The following FGF14 variants were observed in gnomAD, a reference collection of about 807,000 sequenced individuals.
FGF14 encodes fibroblast growth factor homologous factor 4.
Under a neutral mutation model 25.5 loss-of-function variants are expected in FGF14, and 5 were observed. The ratio of observed to expected loss-of-function variants is 0.20; its 90% CI spans 0.10 to 0.41. The LOEUF is 0.41. Among genes scored for constraint, FGF14 ranks in the 10% least tolerant of loss-of-function variants. FGF14 has a pLI of 1.00. For missense variants in FGF14, 222 were observed against 320.1 expected, an observed-to-expected ratio of 0.69 and a Z score of 2.34; for synonymous variants, 138 against 118.3, an observed-to-expected ratio of 1.17 and a Z score of -1.08.
chr13:101,727,142 T>C (rs1365968063), intron 3 of FGF14, among the ~76,000 whole-genome samples: 1 of 152,100 alleles, frequency 6.6e-6, no homozygotes, highest in Non-Finnish European at 1.5e-5. Context: ...ATATTCACAA[T>C]AAAGTGAACC....
chr13:101,859,599 T>G (rs1402535744), intron 3 of FGF14, among the ~76,000 whole-genome samples: 1 of 152,160 alleles, frequency 6.6e-6, no homozygotes, highest in Non-Finnish European at 1.5e-5. Context: ...AATATTGAGT[T>G]GAATGGTTTT....
In FGF14 at chr13:102,096,486, A is replaced by T. The variant is rs139334116; in HGVS notation, c.209-221190T>A. On this transcript the variant is annotated intron_variant, in intron 1 of 4. Transcript: ENST00000376131. ...TGGTTAAGAAAACTTAGGAAAACTG[A>T]TAAGAACAAGTAACATTCACTGAAA... Among the ~76,000 whole-genome samples the T allele has an allele frequency of 3.0e-4, 46 of 152,314 alleles. 1 individual carries two copies. In the East Asian group the frequency reaches 8.9e-3, roughly 29 times the overall value.
chr13:101,790,945 G>A (rs994029299), intron 3 of FGF14, among the ~76,000 whole-genome samples: 2 of 152,134 alleles, frequency 1.3e-5, no homozygotes, highest in Admixed American at 1.3e-4. Context: ...AAAGATATAG[G>A]TGCTTGCATT....
At chr13:102,014,553 T>C (rs1267060444) in intron 1 of FGF14, among the ~76,000 whole-genome samples, 1 of 152,152 alleles carries the variant, frequency 6.6e-6, no homozygotes, top group African/African-American at 2.4e-5. Flanking sequence ...GAACCAATTA[T>C]CGAAAAGTGA....
chr13:102,163,974 T>C (rs990556350), intron 1 of FGF14, among the ~76,000 whole-genome samples: 1 of 152,172 alleles, frequency 6.6e-6, no homozygotes, highest in Non-Finnish European at 1.5e-5. Context: ...TTGTAGATTA[T>C]CACGTTTTAC....
chr13:102,048,400 C>T (rs1014384754), intron 1 of FGF14, among the ~76,000 whole-genome samples: 1 of 152,128 alleles, frequency 6.6e-6, no homozygotes, highest in African/African-American at 2.4e-5. Context: ...GGTTAGTATA[C>T]GGTAACTATC....
intron 1 of FGF14, among the ~76,000 whole-genome samples, chr13:102,069,196 T>TGACA (rs1179349407): frequency 6.6e-6 from 1 of 151,500 alleles, no homozygotes; most frequent in Non-Finnish European, 1.5e-5. Context: ...GTGCGCCAAT[T>TGACA]GACACTCTGT....
chr13:101,777,494 A>G (rs9513949), intron 3 of FGF14, among the ~76,000 whole-genome samples: 60,128 of 151,924 alleles, frequency 0.4, 12,515 homozygotes, highest in East Asian at 0.75. Context: ...AATTTAACTG[A>G]CACTGTTTGC....
chr13:101,835,995 G>A (rs1433047737), intron 3 of FGF14, among the ~76,000 whole-genome samples: 1 of 152,002 alleles, frequency 6.6e-6, no homozygotes, highest in African/African-American at 2.4e-5. Context: ...AAAATGGGGG[G>A]TTTGCATAGA....
chr13:101,844,808 G>A (rs1035935719), intron 3 of FGF14, among the ~76,000 whole-genome samples: 8 of 151,904 alleles, frequency 5.3e-5, no homozygotes, highest in African/African-American at 1.9e-4. Context: ...CGCATACCTT[G>A]GCAAATCCAA....
At chr13:101,969,153 G>C (rs2037431705) in intron 1 of FGF14, among the ~76,000 whole-genome samples, 1 of 152,166 alleles carries the variant, frequency 6.6e-6, no homozygotes, top group Non-Finnish European at 1.5e-5. Context: ...GACTGCCTAG[G>C]TCTTCATAAC....
chr13:102,310,685 C>CTCTCTCTCTCTG (rs369697906), intron 1 of FGF14, among the ~76,000 whole-genome samples: 2 of 6,856 alleles, frequency 2.9e-4, no homozygotes, highest in Non-Finnish European at 5.4e-4. Flanking sequence ...CTCTCTCTCT[C>CTCTCTCTCTCTG]TGTGTGTGTG....
chr13:102,133,611 A>ATGATT (rs1207665950), intron 1 of FGF14, among the ~76,000 whole-genome samples: 2 of 152,242 alleles, frequency 1.3e-5, no homozygotes, highest in Admixed American at 1.3e-4. Flanking sequence ...TATATCAATC[A>ATGATT]TGATTTACTA....
chr13:101,939,102 T>C (rs144577032), intron 1 of FGF14, among the ~76,000 whole-genome samples: 153 of 152,306 alleles, frequency 1.0e-3, no homozygotes, highest in African/African-American at 3.1e-3. Context: ...AGTGAGCAGA[T>C]TGGAAACATC....
chr13:101,765,842 C>T (rs2038356762), intron 3 of FGF14, among the ~76,000 whole-genome samples: 1 of 151,986 alleles, frequency 6.6e-6, no homozygotes, highest in African/African-American at 2.4e-5. Flanking sequence ...CTTCTCCTGC[C>T]CTCAGCCTCC....
intron 3 of FGF14, among the ~76,000 whole-genome samples, chr13:101,797,753 G>A (rs1384593823): frequency 3.2e-4 from 48 of 149,952 alleles, no homozygotes; most frequent in African/African-American, 1.1e-3. Flanking sequence ...GTGTGTGTGT[G>A]TGTGTGTGTG....
intron 1 of FGF14, among the ~76,000 whole-genome samples, chr13:102,044,290 T>C (rs987056631): frequency 5.3e-5 from 8 of 152,150 alleles, no homozygotes; most frequent in Non-Finnish European, 1.2e-4. Context: ...TAACTGCTAA[T>C]TACCCCTAAA....
At chr13:102,110,370 AC>A (rs899731253) in intron 1 of FGF14, among the ~76,000 whole-genome samples, 14 of 152,094 alleles carry the variant, frequency 9.2e-5, no homozygotes, top group African/African-American at 3.4e-4. Flanking sequence ...TCACCAAAAA[AC>A]GATGCACAGC....
At chr13:102,130,461 T>C (rs1430811211) in intron 1 of FGF14, among the ~76,000 whole-genome samples, 1 of 152,180 alleles carries the variant, frequency 6.6e-6, no homozygotes, top group Non-Finnish European at 1.5e-5. Flanking sequence ...TCTCCAATTT[T>C]AAAGACCTTT....
Sources: allele counts gnomAD v4.1 joint callset (sites outside exome capture counted in the v4.1 genomes callset), GRCh38; gene constraint gnomAD v4.1.1; transcripts MANE v1.5; gene names NCBI Gene and HGNC (gene_info 2026-07-23, HGNC 2026-07-21).